The following FOXN3 variants were observed in gnomAD, a reference collection of about 807,000 sequenced individuals.
FOXN3 encodes forkhead box protein N3.
FOXN3 carries 7 observed loss-of-function variants against 38.4 expected under a neutral mutation model. That is an observed-to-expected ratio of 0.18 (90% CI 0.10 to 0.34). The LOEUF is 0.34. Ranked by LOEUF, FOXN3 falls within the 10% of genes least tolerant of loss-of-function variation. The pLI is 1.00. For synonymous variants in FOXN3, 230 were observed against 242.2 expected, an observed-to-expected ratio of 0.95 and a Z score of 0.47; for missense variants, 456 against 613.4, an observed-to-expected ratio of 0.74 and a Z score of 2.71.
chr14:89,249,201 T>A (rs1885382160), intron 4 of FOXN3, among the ~76,000 whole-genome samples: 1 of 152,164 alleles, frequency 6.6e-6, no homozygotes, highest in Non-Finnish European at 1.5e-5. Flanking sequence ...GAAAGGAACA[T>A]TCTAGAAATT....
chr14:89,417,410 C>G (rs142843255), upstream of FOXN3: 19,768 of 147,558 alleles, frequency 0.13, 1,547 homozygotes, highest in South Asian at 0.33. Flanking sequence ...CCCCAGCACT[C>G]AGCCAGGGCG....
chr14:89,340,102 AG>A (rs571793531), intron 3 of FOXN3, among the ~76,000 whole-genome samples: 4 of 151,492 alleles, frequency 2.6e-5, no homozygotes, highest in Non-Finnish European at 5.9e-5. Flanking sequence ...AGAAGAAGGA[AG>A]GGGGGTGCAG....
At chr14:89,513,490 T>C (rs1894138682) in intron 1 of FOXN3, among the ~76,000 whole-genome samples, 1 of 152,142 alleles carries the variant, frequency 6.6e-6, no homozygotes, top group Admixed American at 6.5e-5. Context: ...TCCTCCTGCC[T>C]CAACTTCCCA....
At chr14:89,489,938 C>T (rs1893538516) in intron 1 of FOXN3, among the ~76,000 whole-genome samples, 1 of 152,210 alleles carries the variant, frequency 6.6e-6, no homozygotes, top group Non-Finnish European at 1.5e-5. Context: ...GTTCTTTTCT[C>T]AGATCCTCAT....
intron 3 of FOXN3, among the ~76,000 whole-genome samples, chr14:89,309,053 T>C (rs529687530): frequency 3.2e-4 from 48 of 152,264 alleles, no homozygotes; most frequent in Middle Eastern, 6.8e-3. Context: ...TATAAAACTG[T>C]CTCTTTGTTT....
chr14:89,329,855 C>CAAAAAAAAAAAAAAAAAAAA (rs57791098), intron 3 of FOXN3, among the ~76,000 whole-genome samples: 1 of 59,836 alleles, frequency 1.7e-5, no homozygotes, highest in African/African-American at 5.9e-5. Context: ...GACTCAGTCT[C>CAAAAAAAAAAAAAAAAAAAA]AAAAAAAAAA....
At chr14:89,168,084 G>A (rs184788998) in intron 5 of FOXN3, among the ~76,000 whole-genome samples, 27 of 151,692 alleles carry the variant, frequency 1.8e-4, no homozygotes, top group African/African-American at 6.5e-4. Flanking sequence ...AAGAACATGG[G>A]TTCATAATAA....
rs968034067 is a variant in FOXN3 at position 89,542,235 on chromosome 14, G to A, written c.-15+76793C>T. On this transcript the variant is annotated intron_variant, in intron 1 of 6. Transcript: ENST00000345097. The stretch of plus-strand genomic sequence containing the variant: ...TTAATTACTATATTTTGCAAGAATC[G>A]ATATTATTATCTTTAAAGCAAAATT... 1.3e-5 allele frequency among the ~76,000 whole-genome samples: 2 copies of A among 152,156 alleles called. 1 individual carries two copies. Among genetic ancestry groups the A allele is most frequent in the South Asian group, 4.1e-4 (2 of 4,828 alleles).
At chr14:89,500,267 TTG>T (rs773503431) in intron 1 of FOXN3, among the ~76,000 whole-genome samples, 2 of 152,136 alleles carry the variant, frequency 1.3e-5, no homozygotes, top group Non-Finnish European at 2.9e-5. Flanking sequence ...TGAGCCACCG[TTG>T]TGTGTTTGGA....
At chr14:89,566,489 C>T (rs578118897) in intron 1 of FOXN3, among the ~76,000 whole-genome samples, 17 of 152,296 alleles carry the variant, frequency 1.1e-4, no homozygotes, top group African/African-American at 2.2e-4. Context: ...AATCACAAGA[C>T]GCTTGCTTCA....
intron 3 of FOXN3, among the ~76,000 whole-genome samples, chr14:89,350,109 C>T (rs1357629698): frequency 6.6e-6 from 1 of 152,076 alleles, no homozygotes; most frequent in East Asian, 1.9e-4. Flanking sequence ...AAAAATGGTA[C>T]CCATGACCTT....
chr14:89,611,468 C>A (rs750570766), intron 1 of FOXN3, among the ~76,000 whole-genome samples: 5 of 152,082 alleles, frequency 3.3e-5, no homozygotes, highest in Non-Finnish European at 5.9e-5. Flanking sequence ...GGTAAACGTG[C>A]TCAGGGATGG....
intron 4 of FOXN3, among the ~76,000 whole-genome samples, chr14:89,268,770 G>A (rs1886059840): frequency 6.6e-6 from 1 of 152,178 alleles, no homozygotes. Context: ...GGGAGTTTCT[G>A]TAAGAAGCTG....
intron 4 of FOXN3, among the ~76,000 whole-genome samples, chr14:89,251,592 T>C (rs373705480): frequency 2.8e-4 from 42 of 152,240 alleles, no homozygotes; most frequent in African/African-American, 9.6e-4. Flanking sequence ...TTTACTGGCA[T>C]AGGAAAAAGC....
intron 1 of FOXN3, among the ~76,000 whole-genome samples, chr14:89,543,805 A>T (rs1894835057): frequency 6.6e-6 from 1 of 152,162 alleles, no homozygotes; most frequent in South Asian, 2.1e-4. Flanking sequence ...TATCAGAAAC[A>T]CTAGGATTCA....
At chr14:89,431,701 A>G (rs974712575) in intron 1 of FOXN3, among the ~76,000 whole-genome samples, 6 of 152,122 alleles carry the variant, frequency 3.9e-5, no homozygotes, top group Non-Finnish European at 7.3e-5. Context: ...CCACTGCCCC[A>G]ACACAAGCAT....
chr14:89,504,736 G>T (rs1054927723), intron 1 of FOXN3, among the ~76,000 whole-genome samples: 3 of 152,156 alleles, frequency 2.0e-5, no homozygotes, highest in African/African-American at 7.2e-5. Flanking sequence ...CACTCTTCTT[G>T]GTATAGACTT....
Position 89,575,075 on chromosome 14 carries a change from G to A in FOXN3, c.-15+43953C>T, listed in dbSNP as rs72705428. On this transcript the variant is annotated intron_variant, in intron 1 of 6. Transcript: ENST00000345097. ...TCTAAGCCAAAGTGAGGTGTTGAGA[G>A]CAAGGTTGTCTATACTGACTCTGAT... 3.3e-3 allele frequency among the ~76,000 whole-genome samples: 495 copies of A among 152,286 alleles called. 1 individual carries two copies. Among genetic ancestry groups the A allele is most frequent in the Non-Finnish European group, 5.7e-3 (389 of 68,020 alleles).
At chr14:89,538,645 A>G (rs1372211515) in intron 1 of FOXN3, among the ~76,000 whole-genome samples, 2 of 151,954 alleles carry the variant, frequency 1.3e-5, no homozygotes, top group Non-Finnish European at 2.9e-5. Flanking sequence ...CAGCCTCCCA[A>G]GTAGCTGGGA....
Sources: gnomAD v4.1 joint callset for allele counts (sites outside exome capture counted in the v4.1 genomes callset) on GRCh38, gnomAD v4.1.1 for gene constraint, MANE v1.5 for transcripts, NCBI Gene and HGNC (gene_info 2026-07-23, HGNC 2026-07-21) for gene names.